The following LRFN5 variants were observed in gnomAD, a reference collection of about 807,000 sequenced individuals.
LRFN5 encodes leucine rich repeat and fibronectin type III domain containing 5.
LRFN5 carries 24 observed loss-of-function variants against 45.6 expected under a neutral mutation model. That is an observed-to-expected ratio of 0.53 (90% CI 0.38 to 0.74). The LOEUF (loss-of-function observed/expected upper bound fraction) is 0.74. Among genes scored for constraint, LRFN5 ranks in the 30% least tolerant of loss-of-function variants. The probability of loss-of-function intolerance (pLI) is 0.00; values close to 1 mark genes in which losing one functional copy is unlikely to be tolerated. For missense variants in LRFN5, 776 were observed against 861.5 expected (o/e 0.90, Z 1.24); for synonymous variants, 340 against 313.8 (o/e 1.08, Z -0.88).
chr14:41,857,261 T>C (rs1174977887), intron 2 of LRFN5, among the ~76,000 whole-genome samples: 2 of 152,136 alleles, frequency 1.3e-5, no homozygotes, highest in Admixed American at 1.3e-4. Context: ...TCCCTTAGCT[T>C]TCAGTGGTAG....
rs137961755 is a variant in LRFN5 at position 41,659,008 on chromosome 14, T to C, written c.-197+50446T>C. On this transcript the variant is annotated intron_variant, in intron 1 of 5. Coordinates refer to ENST00000298119, the MANE Select transcript of LRFN5 (RefSeq NM_152447.5). Reference sequence around the variant, plus strand: ...TTTTTTTCTTAGCCCCTAAAATTTCTTTTGGCTCTATTACAACCAACTCTT... The same window carrying C: ...TTTTTTTCTTAGCCCCTAAAATTTCCTTTGGCTCTATTACAACCAACTCTT... Among the ~76,000 whole-genome samples, 1,382 of 152,112 alleles carry C rather than the reference T, an allele frequency of 9.1e-3. 6 individuals are homozygous for C. The highest frequency in any genetic ancestry group is 0.014 in the East Asian group (74 of 5,170).
At chr14:41,800,907 T>A (rs1249881091) in intron 2 of LRFN5, among the ~76,000 whole-genome samples, 3 of 151,966 alleles carry the variant, frequency 2.0e-5, no homozygotes, top group South Asian at 4.1e-4. Flanking sequence ...AAGAAAAATA[T>A]GTAATGTTTA....
At chr14:41,889,573 A>G (rs1890707714) in intron 3 of LRFN5, among the ~76,000 whole-genome samples, 1 of 152,122 alleles carries the variant, frequency 6.6e-6, no homozygotes, top group South Asian at 2.1e-4. Flanking sequence ...AATAAGCCAG[A>G]TTTTATTTTC....
At chr14:41,903,737 A>G (rs1416045647) in intron 5 of LRFN5, among the ~76,000 whole-genome samples, 4 of 151,948 alleles carry the variant, frequency 2.6e-5, no homozygotes, top group Admixed American at 6.6e-5. Flanking sequence ...AAATTTTAAT[A>G]TCATACACAT....
At chr14:41,629,329 T>C (rs930137938) in intron 1 of LRFN5, among the ~76,000 whole-genome samples, 1 of 152,204 alleles carries the variant, frequency 6.6e-6, no homozygotes, top group African/African-American at 2.4e-5. Flanking sequence ...TCAACCAGCT[T>C]CATGCTTACT....
At chr14:41,698,936 G>C (rs1212501850) in intron 1 of LRFN5, among the ~76,000 whole-genome samples, 1 of 151,900 alleles carries the variant, frequency 6.6e-6, no homozygotes, top group Non-Finnish European at 1.5e-5. Flanking sequence ...GAGCAGTAGT[G>C]ATCAGAAAAT....
chr14:41,846,743 T>C (rs1429071029), intron 2 of LRFN5, among the ~76,000 whole-genome samples: 2 of 152,144 alleles, frequency 1.3e-5, no homozygotes, highest in East Asian at 3.8e-4. Flanking sequence ...TTCTGTAGGA[T>C]GTAGAGCAGA....
intron 1 of LRFN5, among the ~76,000 whole-genome samples, chr14:41,672,167 G>A (rs1412825887): frequency 4.6e-5 from 7 of 152,164 alleles, no homozygotes; most frequent in East Asian, 3.9e-4. Context: ...CTCACTAGAC[G>A]TTAGGATTAA....
rs1294062839 is a variant in LRFN5 at position 41,695,431 on chromosome 14, G to A, written c.-196-71423G>A. Among the ~76,000 whole-genome samples the A allele has an allele frequency of 7.9e-5, 12 of 151,990 alleles. No homozygotes were observed. In the East Asian group the frequency reaches 2.3e-3, roughly 29 times the overall value. On this transcript the variant is annotated intron_variant, in intron 1 of 5. Coordinates refer to ENST00000298119, the MANE Select transcript of LRFN5 (RefSeq NM_152447.5). ...AATATAGACAAAACTACCTTCTATTGGAAAAAGAGGCCATCTAGGACTTTC... is the reference window on the plus strand; with the variant it reads ...AATATAGACAAAACTACCTTCTATTAGAAAAAGAGGCCATCTAGGACTTTC...
At chr14:41,863,648 T>G (rs971593092) in intron 2 of LRFN5, among the ~76,000 whole-genome samples, 2 of 152,244 alleles carry the variant, frequency 1.3e-5, no homozygotes, top group Non-Finnish European at 2.9e-5. Context: ...AATACAATTC[T>G]TTGAAATTTT....
chr14:41,886,868 T>C lies in LRFN5; in HGVS notation c.243T>C (p.Thr81=), dbSNP rs370921286. ...FANMTSLVDL[T]LSRNTISFIT... ...ATATGACCAGCTTGGTGGACCTGAC[T>C]CTATCCAGGAATACAATAAGTTTTA... The change falls in exon 3 of 6, where the codon ACT becomes ACC. Residue 81 remains threonine, a synonymous_variant. Transcript: ENST00000298119. 59 of 1,614,058 alleles carry C rather than the reference T, an allele frequency of 3.7e-5. No homozygotes were observed. The highest frequency in any genetic ancestry group is 4.7e-5 in the Non-Finnish European group (55 of 1,180,024).
At chr14:41,898,988 T>C (rs1891025421) in intron 5 of LRFN5, 28 bp downstream of exon 5, 2 of 1,579,546 alleles carry the variant, frequency 1.3e-6, no homozygotes, top group Non-Finnish European at 1.7e-6. Flanking sequence ...TATAACTTAC[T>C]TCAACACTTA....
chr14:41,770,668 C>G (rs1045443724), intron 2 of LRFN5, among the ~76,000 whole-genome samples: 1 of 152,166 alleles, frequency 6.6e-6, no homozygotes, highest in Non-Finnish European at 1.5e-5. Context: ...TAGCCCTGTG[C>G]CTGTGGCTTT....
chr14:41,687,532 G>A (rs998907151), intron 1 of LRFN5, among the ~76,000 whole-genome samples: 4 of 152,050 alleles, frequency 2.6e-5, no homozygotes, highest in Admixed American at 6.5e-5. Flanking sequence ...AAAGACACAC[G>A]CACACATGTG....
intron 1 of LRFN5, chr14:41,701,118 A>G (rs147096272): frequency 3.3e-5 from 5 of 152,314 alleles, no homozygotes; most frequent in Non-Finnish European, 5.9e-5. Flanking sequence ...TGCAGAATAC[A>G]TGAATAAACA....
chr14:41,854,255 A>G (rs1191536518), intron 2 of LRFN5, among the ~76,000 whole-genome samples: 2 of 151,708 alleles, frequency 1.3e-5, no homozygotes, highest in Admixed American at 6.6e-5. Flanking sequence ...GCTCAGAATT[A>G]TGGTTTCCAG....
intron 1 of LRFN5, among the ~76,000 whole-genome samples, chr14:41,740,464 C>G (rs1884643261): frequency 6.6e-6 from 1 of 151,870 alleles, no homozygotes; most frequent in Admixed American, 6.6e-5. Context: ...AAAACATTTT[C>G]TCAATAGATA....
chr14:41,638,526 G>A (rs74045182), intron 1 of LRFN5, among the ~76,000 whole-genome samples: 7,254 of 152,084 alleles, frequency 0.048, 379 homozygotes, highest in African/African-American at 0.13. Flanking sequence ...AATTCTAATC[G>A]CTTTCTATTG....
At chr14:41,762,969 G>A (rs977782080) in intron 1 of LRFN5, among the ~76,000 whole-genome samples, 1 of 152,062 alleles carries the variant, frequency 6.6e-6, no homozygotes, top group African/African-American at 2.4e-5. Flanking sequence ...GAAATGATTG[G>A]TAATGATACC....
Sources: gnomAD v4.1 joint callset for allele counts (sites outside exome capture counted in the v4.1 genomes callset) on GRCh38, gnomAD v4.1.1 for gene constraint, MANE v1.5 for transcripts, NCBI Gene and HGNC (gene_info 2026-07-23, HGNC 2026-07-21) for gene names.